Variants in FOXP1 observed in about 807,000 individuals in gnomAD.
FOXP1 encodes the protein forkhead box P1.
In FOXP1, 15 loss-of-function variants were observed where a neutral mutation model predicts 98.2. That is an observed-to-expected ratio of 0.15 (90% CI 0.10 to 0.24). The LOEUF (loss-of-function observed/expected upper bound fraction) is 0.24, where lower values mean the gene tolerates loss of function less well. Among genes scored for constraint, FOXP1 ranks in the 10% least tolerant of loss-of-function variants. FOXP1 has a pLI of 1.00. For synonymous variants in FOXP1, 371 were observed against 314.5 expected (o/e 1.18, Z -1.90); for missense variants, 633 against 848.5 (o/e 0.75, Z 3.15).
chr3:71,352,484 A>AC (rs2077858869), intron 4 of FOXP1, among the ~76,000 whole-genome samples: 3 of 150,546 alleles, frequency 2.0e-5, no homozygotes, highest in Non-Finnish European at 3.0e-5. Flanking sequence ...AAAAAAAAAA[A>AC]AAAAAAAAAC....
intron 6 of FOXP1, among the ~76,000 whole-genome samples, chr3:71,162,327 T>G (rs2108149400): frequency 6.6e-6 from 1 of 152,270 alleles, no homozygotes; most frequent in Non-Finnish European, 1.5e-5. Context: ...CTAGGACAAA[T>G]GCAACTAAAT....
intron 6 of FOXP1, among the ~76,000 whole-genome samples, chr3:71,186,853 C>T (rs775543550): frequency 6.6e-6 from 1 of 152,250 alleles, no homozygotes; most frequent in Non-Finnish European, 1.5e-5. Flanking sequence ...AATCTTGTCA[C>T]ATCTGCCATT....
intron 3 of FOXP1, among the ~76,000 whole-genome samples, chr3:71,417,336 G>A (rs1311859505): frequency 6.6e-6 from 1 of 152,154 alleles, no homozygotes; most frequent in Non-Finnish European, 1.5e-5. Context: ...ATTGATTTTA[G>A]ACTTCCAATT....
chr3:70,970,976 G>C (rs2036105457), intron 18 of FOXP1, 171 bp from the exon 19 acceptor site: 1 of 657,334 alleles, frequency 1.5e-6, no homozygotes, highest in African/African-American at 1.8e-5. Context: ...GGGCGGGTGT[G>C]TGTGCACACC....
chr3:71,146,925 C>T (rs571978856), intron 6 of FOXP1, among the ~76,000 whole-genome samples: 6 of 152,336 alleles, frequency 3.9e-5, no homozygotes, highest in African/African-American at 7.2e-5. Context: ...CCATCACCAG[C>T]GAGCGCTGCT....
At chr3:70,992,402 C>T (rs775313011) in intron 13 of FOXP1, among the ~76,000 whole-genome samples, 9 of 151,988 alleles carry the variant, frequency 5.9e-5, no homozygotes, top group Non-Finnish European at 8.8e-5. Context: ...AGGTCTCTGA[C>T]GTACATATGA....
intron 5 of FOXP1, among the ~76,000 whole-genome samples, chr3:71,269,637 T>G (rs2070132081): frequency 6.6e-6 from 1 of 152,226 alleles, no homozygotes; most frequent in African/African-American, 2.4e-5. Flanking sequence ...TGATGCTCTA[T>G]TTTGCAAATT....
intron 3 of FOXP1, among the ~76,000 whole-genome samples, chr3:71,427,167 G>T (rs929864441): frequency 5.1e-4 from 77 of 151,250 alleles, no homozygotes; most frequent in Admixed American, 9.9e-4. Flanking sequence ...TCCCTTAACA[G>T]ATCATAAAGG....
chr3:71,465,836 A>C (rs533214406), intron 3 of FOXP1, among the ~76,000 whole-genome samples: 1 of 152,312 alleles, frequency 6.6e-6, no homozygotes, highest in East Asian at 1.9e-4. Flanking sequence ...GCCTCCTGTC[A>C]CATCAGCAGC....
intron 6 of FOXP1, among the ~76,000 whole-genome samples, chr3:71,118,712 T>C (rs2058551818): frequency 6.6e-6 from 1 of 152,206 alleles, no homozygotes; most frequent in African/African-American, 2.4e-5. Flanking sequence ...CAGCTCATGA[T>C]ATAAGAATGG....
chr3:71,321,251 T>G (rs1420740840), intron 4 of FOXP1, among the ~76,000 whole-genome samples: 1 of 152,156 alleles, frequency 6.6e-6, no homozygotes, highest in Non-Finnish European at 1.5e-5. Context: ...TTTAATGATA[T>G]CACGCTTCCC....
intron 2 of FOXP1, among the ~76,000 whole-genome samples, chr3:71,495,104 A>G (rs561881362): frequency 6.6e-6 from 1 of 152,202 alleles, no homozygotes; most frequent in Non-Finnish European, 1.5e-5. Context: ...TAATCAATGT[A>G]GATACAGTGG....
chr3:71,219,810 T>C (rs932509653), intron 5 of FOXP1, among the ~76,000 whole-genome samples: 2 of 152,248 alleles, frequency 1.3e-5, no homozygotes, highest in African/African-American at 2.4e-5. Context: ...TGTGCAGTGC[T>C]GCGTGCAGCA....
intron 3 of FOXP1, among the ~76,000 whole-genome samples, chr3:71,478,487 C>T (rs1398443881): frequency 2.6e-5 from 4 of 151,982 alleles, no homozygotes; most frequent in African/African-American, 9.7e-5. Flanking sequence ...AAGGTGTTAC[C>T]AACAAAATAT....
chr3:71,294,163 C>T (rs1035727703), intron 5 of FOXP1, among the ~76,000 whole-genome samples: 1 of 152,190 alleles, frequency 6.6e-6, no homozygotes, highest in South Asian at 2.1e-4. Context: ...TTTTCTTAAG[C>T]GATGAAATAT....
intron 5 of FOXP1, among the ~76,000 whole-genome samples, chr3:71,226,840 T>C (rs1428342060): frequency 2.6e-5 from 4 of 152,098 alleles, no homozygotes; most frequent in Non-Finnish European, 5.9e-5. Flanking sequence ...GGGCACTAAG[T>C]GCGCTGTTCA....
chr3:71,114,168 A>T (rs915551182), intron 6 of FOXP1, among the ~76,000 whole-genome samples: 1 of 152,246 alleles, frequency 6.6e-6, no homozygotes. Flanking sequence ...GAAAGTTAGC[A>T]TAATGGACTT....
chr3:71,106,462 A>C (rs1311187347), intron 7 of FOXP1, among the ~76,000 whole-genome samples: 1 of 151,964 alleles, frequency 6.6e-6, no homozygotes, highest in Non-Finnish European at 1.5e-5. Context: ...CAGCCTCCCG[A>C]GTAGCTGGGA....
chr3:71,506,406 G>A (rs540468852), intron 2 of FOXP1, among the ~76,000 whole-genome samples: 10 of 152,078 alleles, frequency 6.6e-5, no homozygotes, highest in East Asian at 3.9e-4. Flanking sequence ...TCTCCACGGC[G>A]GCGTATCTGC....
Sources: gnomAD v4.1 joint callset for allele counts (sites outside exome capture counted in the v4.1 genomes callset) on GRCh38, gnomAD v4.1.1 for gene constraint, MANE v1.5 for transcripts, NCBI Gene and HGNC (gene_info 2026-07-23, HGNC 2026-07-21) for gene names.